The following PRKCE variants were observed in gnomAD, a reference collection of about 807,000 sequenced individuals.
The protein encoded by PRKCE is protein kinase C epsilon type.
A neutral mutation model predicts 85.4 loss-of-function variants in PRKCE; 16 were observed. The ratio of observed to expected loss-of-function variants is 0.19; its 90% CI spans 0.13 to 0.28. The LOEUF is 0.28. PRKCE is among the 10% of genes least tolerant of loss of function. The pLI is 1.00. For synonymous variants in PRKCE, 388 were observed against 371.5 expected, an observed-to-expected ratio of 1.04 and a Z score of -0.51; for missense variants, 573 against 975.2, an observed-to-expected ratio of 0.59 and a Z score of 5.49.
chr2:45,864,393 G>A (rs1026485509), intron 2 of PRKCE, among the ~76,000 whole-genome samples: 1 of 152,168 alleles, frequency 6.6e-6, no homozygotes, highest in African/African-American at 2.4e-5. Context: ...CCACCCTCAT[G>A]TAACCTTTCT....
chr2:46,056,968 G>A (rs564611076), intron 10 of PRKCE, among the ~76,000 whole-genome samples: 9 of 152,300 alleles, frequency 5.9e-5, no homozygotes, highest in Non-Finnish European at 8.8e-5. Context: ...CTGGCTCAGG[G>A]CCTCTTGTGT....
At chr2:45,778,557 A>G (rs72870706) in intron 1 of PRKCE, among the ~76,000 whole-genome samples, 5,998 of 151,996 alleles carry the variant, frequency 0.039, 170 homozygotes, top group African/African-American at 0.084. Flanking sequence ...CCCCACACAC[A>G]TCTCCCCCTC....
chr2:45,833,565 A>G (rs1426826907), intron 1 of PRKCE, among the ~76,000 whole-genome samples: 1 of 152,234 alleles, frequency 6.6e-6, no homozygotes, highest in Non-Finnish European at 1.5e-5. Context: ...TCCTGCTGAC[A>G]TTCAACTTGT....
At chr2:46,150,938 G>A (rs1676562232) in intron 12 of PRKCE, 103 bp from the exon 13 acceptor site, 4 of 1,058,206 alleles carry the variant, frequency 3.8e-6, no homozygotes, top group Non-Finnish European at 5.4e-6. Context: ...ACTGTAGGGA[G>A]GAGCAAGTTG....
At chr2:45,790,561 A>G (rs1176422669) in intron 1 of PRKCE, among the ~76,000 whole-genome samples, 1 of 152,230 alleles carries the variant, frequency 6.6e-6, no homozygotes, top group Non-Finnish European at 1.5e-5. Flanking sequence ...CTGAAATACA[A>G]TGAGAGGAAA....
chr2:45,799,614 A>T (rs1237169396), intron 1 of PRKCE, among the ~76,000 whole-genome samples: 3 of 152,234 alleles, frequency 2.0e-5, no homozygotes, highest in Non-Finnish European at 2.9e-5. Flanking sequence ...AATGTTTTCA[A>T]AAAAAGATTG....
At chr2:46,107,513 T>C (rs1671842834) in intron 11 of PRKCE, among the ~76,000 whole-genome samples, 1 of 152,334 alleles carries the variant, frequency 6.6e-6, no homozygotes, top group African/African-American at 2.4e-5. Flanking sequence ...GTAAAGCTAC[T>C]ATAAACACTC....
intron 6 of PRKCE, 79 bp downstream of exon 6, chr2:45,984,759 A>C: frequency 6.6e-7 from 1 of 1,525,528 alleles, no homozygotes; most frequent in South Asian, 1.2e-5. Flanking sequence ...CTTTATAAAA[A>C]ACCCTTGTCT....
chr2:45,925,727 G>T (rs1445858043), intron 2 of PRKCE, among the ~76,000 whole-genome samples: 1 of 152,234 alleles, frequency 6.6e-6, no homozygotes, highest in Non-Finnish European at 1.5e-5. Context: ...AGCTGGCCAA[G>T]GATCACCTAG....
chr2:45,714,835 A>G (rs1679956391), intron 1 of PRKCE, among the ~76,000 whole-genome samples: 1 of 152,204 alleles, frequency 6.6e-6, no homozygotes, highest in South Asian at 2.1e-4. Flanking sequence ...ATCCCTCGGA[A>G]CCAAGGTGGA....
intron 10 of PRKCE, among the ~76,000 whole-genome samples, chr2:46,057,622 CG>C (rs1375425969): frequency 2.0e-5 from 3 of 152,032 alleles, no homozygotes; most frequent in Non-Finnish European, 4.4e-5. Context: ...TTAGTAGACA[CG>C]GGGTTTCGCC....
intron 1 of PRKCE, among the ~76,000 whole-genome samples, chr2:45,729,197 T>A (rs1681347758): frequency 6.6e-6 from 1 of 152,134 alleles, no homozygotes; most frequent in Admixed American, 6.5e-5. Context: ...CCACGTCACT[T>A]ATACCAGGAT....
At chr2:45,683,940 G>A (rs189532052) in intron 1 of PRKCE, among the ~76,000 whole-genome samples, 6 of 152,278 alleles carry the variant, frequency 3.9e-5, no homozygotes, top group African/African-American at 1.2e-4. Flanking sequence ...AATAATGTGG[G>A]AAGCTAAGTT....
At chr2:46,178,051 G>C (rs1679597834) in intron 14 of PRKCE, among the ~76,000 whole-genome samples, 1 of 152,212 alleles carries the variant, frequency 6.6e-6, no homozygotes, top group Non-Finnish European at 1.5e-5. Flanking sequence ...CCAGAGGTCA[G>C]GAGTTCGAGA....
intron 1 of PRKCE, among the ~76,000 whole-genome samples, chr2:45,658,463 T>C (rs1461172248): frequency 6.6e-6 from 1 of 152,196 alleles, no homozygotes. Flanking sequence ...AGACCCTGAA[T>C]TCCCTGGCTC....
intron 2 of PRKCE, among the ~76,000 whole-genome samples, chr2:45,930,456 C>G (rs148759201): frequency 6.6e-6 from 1 of 152,198 alleles, no homozygotes; most frequent in Non-Finnish European, 1.5e-5. Context: ...TAAGGCATGT[C>G]TCCAGAATCT....
chr2:45,744,465 CTTTCTTTCTTTCTT>C, intron 1 of PRKCE, among the ~76,000 whole-genome samples: 1 of 54,080 alleles, frequency 1.8e-5, no homozygotes, highest in East Asian at 5.3e-4. Flanking sequence ...TTCTTTCTTT[CTTTCTTTCTTTCTT>C]TCTTTCTTTT....
chr2:46,097,542 T>C (rs68032066), intron 11 of PRKCE, among the ~76,000 whole-genome samples: 14,625 of 137,186 alleles, frequency 0.11, 1,002 homozygotes, highest in Middle Eastern at 0.2. Flanking sequence ...AAAAAAGCTG[T>C]GAAGTCTGAC....
At chr2:45,868,660 C>T (rs1487640347) in intron 2 of PRKCE, among the ~76,000 whole-genome samples, 3 of 150,252 alleles carry the variant, frequency 2.0e-5, no homozygotes, top group African/African-American at 7.3e-5. Context: ...GGGCTGGGCA[C>T]AGTGGCTCAT....
Sources: allele counts gnomAD v4.1 joint callset (sites outside exome capture counted in the v4.1 genomes callset), GRCh38; gene constraint gnomAD v4.1.1; transcripts MANE v1.5; gene names NCBI Gene and HGNC (gene_info 2026-07-23, HGNC 2026-07-21).